RIMS2: variants seen among roughly 807,000 people sequenced by gnomAD.
RIMS2 encodes regulating synaptic membrane exocytosis 2.
A neutral mutation model predicts 174.4 loss-of-function variants in RIMS2; 59 were observed. That is an observed-to-expected ratio of 0.34 (90% confidence interval 0.27 to 0.42). RIMS2 has a LOEUF of 0.42. Ranked by LOEUF, RIMS2 falls within the 10% of genes least tolerant of loss-of-function variation. The pLI, the probability that RIMS2 is intolerant of heterozygous loss-of-function variation, is 1.00. For synonymous variants in RIMS2, 606 were observed against 572.5 expected, an observed-to-expected ratio of 1.06 and a Z score of -0.84; for missense variants, 1,620 against 1,666.3, an observed-to-expected ratio of 0.97 and a Z score of 0.48.
chr8:104,215,683 G>A (rs182608305), intron 19 of RIMS2, among the ~76,000 whole-genome samples: 1 of 152,178 alleles, frequency 6.6e-6, no homozygotes, highest in African/African-American at 2.4e-5. Flanking sequence ...AGTGTTTGAG[G>A]ATATTCTTCT....
chr8:103,757,198 A>G (rs941627654), intron 2 of RIMS2, among the ~76,000 whole-genome samples: 4 of 152,156 alleles, frequency 2.6e-5, no homozygotes, highest in Non-Finnish European at 5.9e-5. Flanking sequence ...GAGGTTTTGT[A>G]GATATCCTTT....
intron 2 of RIMS2, among the ~76,000 whole-genome samples, chr8:103,742,476 A>C (rs1391864454): frequency 6.6e-6 from 1 of 152,122 alleles, no homozygotes; most frequent in Non-Finnish European, 1.5e-5. Context: ...AAACTCTATA[A>C]TTATATCTGT....
chr8:104,245,491 A>G (rs2099326460), intron 20 of RIMS2, among the ~76,000 whole-genome samples: 1 of 152,276 alleles, frequency 6.6e-6, no homozygotes, highest in African/African-American at 2.4e-5. Context: ...ACAAACAACT[A>G]TAATTATTTA....
chr8:104,068,807 T>C (rs2097147792), intron 19 of RIMS2, among the ~76,000 whole-genome samples, 195 bp downstream of exon 23: 1 of 152,198 alleles, frequency 6.6e-6, no homozygotes, highest in South Asian at 2.1e-4. Context: ...AAAAAACTAT[T>C]ATAAAATACA....
chr8:103,826,336 T>C (rs1319761525), intron 3 of RIMS2, among the ~76,000 whole-genome samples: 1 of 151,966 alleles, frequency 6.6e-6, no homozygotes, highest in East Asian at 1.9e-4. Context: ...TTTTTTTCCT[T>C]CCAGAAGCTT....
intron 14 of RIMS2, among the ~76,000 whole-genome samples, chr8:103,947,300 T>G (rs1177671024): frequency 2.0e-5 from 3 of 152,232 alleles, no homozygotes; most frequent in Non-Finnish European, 2.9e-5. Flanking sequence ...TTAAGAAGAT[T>G]TTTTTAAAGC....
chr8:103,938,550 C>T (rs1240306157), intron 13 of RIMS2, among the ~76,000 whole-genome samples: 2 of 152,058 alleles, frequency 1.3e-5, no homozygotes, highest in Non-Finnish European at 2.9e-5. Flanking sequence ...CACAGCCAAA[C>T]CATATCATTC....
In RIMS2 at chr8:103,706,489, G is replaced by A. The variant is rs527883971; in HGVS notation, c.387+9193G>A. Among the ~76,000 whole-genome samples, 6 of 152,084 alleles carry A rather than the reference G, an allele frequency of 3.9e-5. No individual in the cohort carries two copies. The South Asian group carries it at 8.3e-4, about 21-fold the overall frequency. On this transcript the variant is annotated intron_variant, in intron 2 of 23. Coordinates refer to ENST00000504942, the Ensembl canonical transcript of RIMS2. ...TTGCATTTCTTGTAAAATAGGTCTA[G>A]TGGTAATGAATTCCCTCAGGTTTTG... is the stretch of plus-strand genomic sequence containing the variant.
At chr8:103,588,270 G>T (rs1349454699) in intron 1 of RIMS2, among the ~76,000 whole-genome samples, 1 of 151,828 alleles carries the variant, frequency 6.6e-6, no homozygotes, top group Non-Finnish European at 1.5e-5. Flanking sequence ...AAAATGGAAA[G>T]ATATTCCATG....
intron 19 of RIMS2, among the ~76,000 whole-genome samples, chr8:104,174,995 A>G (rs533847513): frequency 1.5e-4 from 23 of 152,328 alleles, no homozygotes; most frequent in Admixed American, 1.2e-3. Flanking sequence ...AAAATAGTGA[A>G]TTTGTAATGG....
At chr8:103,667,327 A>C (rs1027556935) in intron 1 of RIMS2, among the ~76,000 whole-genome samples, 1 of 152,188 alleles carries the variant, frequency 6.6e-6, no homozygotes, top group Non-Finnish European at 1.5e-5. Context: ...TTGTGCACCC[A>C]TAGTCTTTGC....
chr8:104,143,970 T>G (rs538173950), intron 19 of RIMS2, among the ~76,000 whole-genome samples: 1 of 152,332 alleles, frequency 6.6e-6, no homozygotes, highest in African/African-American at 2.4e-5. Context: ...ACCACTTACC[T>G]CTATTCATTC....
intron 2 of RIMS2, among the ~76,000 whole-genome samples, chr8:103,707,142 C>CT (rs754118283): frequency 6.6e-5 from 10 of 152,014 alleles, no homozygotes; most frequent in Non-Finnish European, 1.3e-4. Flanking sequence ...TCCATGCTGC[C>CT]TTTTTTTCTG....
intron 19 of RIMS2, among the ~76,000 whole-genome samples, chr8:104,081,779 C>G (rs12678941): frequency 6.6e-6 from 1 of 152,030 alleles, no homozygotes; most frequent in Non-Finnish European, 1.5e-5. Context: ...ATTACATTCT[C>G]TCTGAGGTAT....
intron 3 of RIMS2, among the ~76,000 whole-genome samples, chr8:103,786,265 T>C (rs1477183948): frequency 3.3e-5 from 5 of 152,198 alleles, no homozygotes; most frequent in African/African-American, 1.2e-4. Flanking sequence ...TGTGTCTCTA[T>C]TTCCTTCAGT....
chr8:103,863,555 A>T (rs184596342), intron 3 of RIMS2, among the ~76,000 whole-genome samples: 1 of 151,628 alleles, frequency 6.6e-6, no homozygotes, highest in East Asian at 1.9e-4. Flanking sequence ...GAATTTGGGG[A>T]TGAATTCATC....
chr8:103,922,299 T>C (rs930161421), intron 10 of RIMS2, among the ~76,000 whole-genome samples: 1 of 151,924 alleles, frequency 6.6e-6, no homozygotes, highest in Non-Finnish European at 1.5e-5. Context: ...TAGAGAAATA[T>C]ATAATGGATT....
At chr8:103,613,726 G>C (rs1385836832) in intron 1 of RIMS2, among the ~76,000 whole-genome samples, 1 of 152,098 alleles carries the variant, frequency 6.6e-6, no homozygotes, top group Non-Finnish European at 1.5e-5. Flanking sequence ...GTTATTCCGG[G>C]ACCAAGGGCT....
chr8:103,688,382 G>A (rs959371686), intron 1 of RIMS2, among the ~76,000 whole-genome samples: 9 of 151,980 alleles, frequency 5.9e-5, no homozygotes, highest in South Asian at 2.1e-4. Flanking sequence ...TTCTGTTAAC[G>A]TGGTGTATCA....
Sources: allele counts gnomAD v4.1 joint callset (sites outside exome capture counted in the v4.1 genomes callset), GRCh38; gene constraint gnomAD v4.1.1; transcripts MANE v1.5; gene names NCBI Gene and HGNC (gene_info 2026-07-23, HGNC 2026-07-21).